PRKCE: variants seen among roughly 807,000 people sequenced by gnomAD.
PRKCE encodes the protein protein kinase C epsilon type.
A neutral mutation model predicts 85.4 loss-of-function variants in PRKCE; 16 were observed. The ratio of observed to expected loss-of-function variants is 0.19; its 90% CI spans 0.13 to 0.28. PRKCE has a LOEUF of 0.28. Ranked by LOEUF, PRKCE falls within the 10% of genes least tolerant of loss-of-function variation. The pLI is 1.00. For missense variants in PRKCE, 573 were observed against 975.2 expected, an observed-to-expected ratio of 0.59 and a Z score of 5.49; for synonymous variants, 388 against 371.5, an observed-to-expected ratio of 1.04 and a Z score of -0.51.
intron 11 of PRKCE, among the ~76,000 whole-genome samples, chr2:46,131,865 G>A (rs1050795783): frequency 6.6e-6 from 1 of 152,150 alleles, no homozygotes; most frequent in Non-Finnish European, 1.5e-5. Flanking sequence ...TGGCAGGTTT[G>A]AGGTTTACAG....
chr2:45,995,167 A>G (rs938853004), intron 6 of PRKCE, among the ~76,000 whole-genome samples: 1 of 152,148 alleles, frequency 6.6e-6, no homozygotes, highest in Non-Finnish European at 1.5e-5. Flanking sequence ...TTTGTTGCCT[A>G]TATTGGATAA....
chr2:45,746,416 G>C (rs1179454198), intron 1 of PRKCE, among the ~76,000 whole-genome samples: 1 of 152,148 alleles, frequency 6.6e-6, no homozygotes, highest in Non-Finnish European at 1.5e-5. Flanking sequence ...GGCCCATAGT[G>C]GGTGCTCAAA....
At chr2:45,922,988 C>T (rs957025857) in intron 2 of PRKCE, among the ~76,000 whole-genome samples, 3 of 152,078 alleles carry the variant, frequency 2.0e-5, no homozygotes, top group Non-Finnish European at 2.9e-5. Flanking sequence ...CGATTATTTC[C>T]TCAAGATATA....
chr2:46,137,033 G>A (rs1675071709), intron 11 of PRKCE, among the ~76,000 whole-genome samples: 1 of 152,214 alleles, frequency 6.6e-6, no homozygotes, highest in South Asian at 2.1e-4. Context: ...CAGGGAATGT[G>A]TATTTTAAGA....
intron 2 of PRKCE, among the ~76,000 whole-genome samples, chr2:45,853,565 G>A (rs1039614014): frequency 6.6e-6 from 1 of 152,178 alleles, no homozygotes; most frequent in Non-Finnish European, 1.5e-5. Context: ...GAGGTAGGCA[G>A]GTCGCACCTG....
At chr2:46,141,548 C>T (rs1477312541) in intron 11 of PRKCE, among the ~76,000 whole-genome samples, 1 of 152,158 alleles carries the variant, frequency 6.6e-6, no homozygotes, top group African/African-American at 2.4e-5. Context: ...CATGCCCTTT[C>T]ATACTTTTTG....
chr2:46,105,409 A>C, intron 11 of PRKCE, among the ~76,000 whole-genome samples: 1 of 151,858 alleles, frequency 6.6e-6, no homozygotes, highest in East Asian at 1.9e-4. Context: ...GCCTGCTGGC[A>C]TAGCTGCAAC....
At chr2:45,715,478 T>G (rs1355276543) in intron 1 of PRKCE, among the ~76,000 whole-genome samples, 1 of 152,206 alleles carries the variant, frequency 6.6e-6, no homozygotes, top group Non-Finnish European at 1.5e-5. Flanking sequence ...GCTTCTCCTG[T>G]TGGAGGAAAT....
chr2:45,657,528 A>G (rs143783446), intron 1 of PRKCE, among the ~76,000 whole-genome samples: 6 of 152,312 alleles, frequency 3.9e-5, no homozygotes, highest in Non-Finnish European at 8.8e-5. Flanking sequence ...TTATTATTAT[A>G]GCCCCCAAAA....
intron 6 of PRKCE, among the ~76,000 whole-genome samples, chr2:45,984,909 C>A (rs1257814415): frequency 6.6e-6 from 1 of 152,150 alleles, no homozygotes; most frequent in African/African-American, 2.4e-5. Context: ...GGAGGGCGGA[C>A]TCCACGCCTT....
At chr2:45,800,050 G>C (rs1471953849) in intron 1 of PRKCE, among the ~76,000 whole-genome samples, 1 of 152,224 alleles carries the variant, frequency 6.6e-6, no homozygotes, top group Non-Finnish European at 1.5e-5. Context: ...GGCTGGTCAA[G>C]TGGGGAGAGA....
intron 2 of PRKCE, among the ~76,000 whole-genome samples, chr2:45,963,892 G>A (rs961687010): frequency 1.7e-4 from 26 of 152,356 alleles, no homozygotes; most frequent in African/African-American, 2.6e-4. Context: ...GGCTCACTGC[G>A]GTAGTCTGGG....
chr2:45,744,486 T>TTTCTTTC (rs1491120921), intron 1 of PRKCE, among the ~76,000 whole-genome samples: 172 of 37,006 alleles, frequency 4.6e-3, no homozygotes, highest in African/African-American at 0.017. Context: ...TCTTTCTTTC[T>TTTCTTTC]TTTTCTTTCT....
At chr2:45,846,836 G>T (rs112899793) in intron 2 of PRKCE, among the ~76,000 whole-genome samples, 1 of 152,332 alleles carries the variant, frequency 6.6e-6, no homozygotes, top group Non-Finnish European at 1.5e-5. Context: ...ATTGTCATAA[G>T]AACAGTGCTT....
At chr2:45,723,955 C>T (rs1680841265) in intron 1 of PRKCE, among the ~76,000 whole-genome samples, 1 of 152,182 alleles carries the variant, frequency 6.6e-6, no homozygotes, top group Non-Finnish European at 1.5e-5. Context: ...TCTGTTCTTA[C>T]ATTCTTTGAG....
chr2:45,762,153 A>T (rs1168493131), intron 1 of PRKCE, among the ~76,000 whole-genome samples: 1 of 152,230 alleles, frequency 6.6e-6, no homozygotes, highest in Non-Finnish European at 1.5e-5. Flanking sequence ...TTTTACTCTC[A>T]TCAATGGAAG....
intron 2 of PRKCE, among the ~76,000 whole-genome samples, chr2:45,931,000 C>T (rs1187348685): frequency 6.6e-6 from 1 of 152,176 alleles, no homozygotes; most frequent in Non-Finnish European, 1.5e-5. Flanking sequence ...TTCATTTCCT[C>T]CTGTAATTTA....
intron 1 of PRKCE, among the ~76,000 whole-genome samples, chr2:45,759,427 C>T (rs942072554): frequency 5.3e-5 from 8 of 152,202 alleles, no homozygotes; most frequent in Non-Finnish European, 1.0e-4. Flanking sequence ...GGCTGGAGAA[C>T]GAGCTCGGCC....
chr2:45,900,641 T>G (rs575208847), intron 2 of PRKCE, among the ~76,000 whole-genome samples: 1 of 152,352 alleles, frequency 6.6e-6, no homozygotes, highest in African/African-American at 2.4e-5. Context: ...TATTGTTCAA[T>G]GGTAGAGATT....
Sources: gnomAD v4.1 joint callset for allele counts (sites outside exome capture counted in the v4.1 genomes callset) on GRCh38, gnomAD v4.1.1 for gene constraint, MANE v1.5 for transcripts, NCBI Gene and HGNC (gene_info 2026-07-23, HGNC 2026-07-21) for gene names.